The following CPE variants were observed in gnomAD, a reference collection of about 807,000 sequenced individuals.
CPE encodes carboxypeptidase E, also known as carbocypeptidase E.
In CPE, 17 loss-of-function variants were observed where a neutral mutation model predicts 53.5. That is an observed-to-expected ratio of 0.32 (90% CI 0.22 to 0.48). The LOEUF (loss-of-function observed/expected upper bound fraction) is 0.48. Ranked by LOEUF, CPE falls within the 20% of genes least tolerant of loss-of-function variation. The pLI, the probability that CPE is intolerant of heterozygous loss-of-function variation, is 0.99. For synonymous variants in CPE, 226 were observed against 228.8 expected, an observed-to-expected ratio of 0.99 and a Z score of 0.11; for missense variants, 524 against 614.7, an observed-to-expected ratio of 0.85 and a Z score of 1.56.
intron 1 of CPE, among the ~76,000 whole-genome samples, chr4:165,403,333 A>AG (rs1487370466): frequency 6.6e-6 from 1 of 152,174 alleles, no homozygotes; most frequent in Admixed American, 6.5e-5. Flanking sequence ...TAAAAAAAAA[A>AG]TCATATTCTT....
At chr4:165,390,315 T>C (rs901507778) in intron 1 of CPE, among the ~76,000 whole-genome samples, 6 of 152,196 alleles carry the variant, frequency 3.9e-5, no homozygotes, top group African/African-American at 9.6e-5. Flanking sequence ...GCCTTCAGTC[T>C]ACTCAGTGAG....
rs1175196282 is a variant in CPE at position 165,405,238 on chromosome 4, G to A, written c.307+25710G>A. ...CCTTATCCACGGAGACTTGGGCAAT[G>A]CCTGCTCCCATCATCCCTGCACCAG... On this transcript the variant is annotated intron_variant, in intron 1 of 8. Coordinates refer to ENST00000402744, the MANE Select transcript of CPE (RefSeq NM_001873.4). 10 of 830,260 alleles carry A rather than the reference G, an allele frequency of 1.2e-5. No homozygotes were observed. In the East Asian group the frequency reaches 1.9e-4, roughly 16 times the overall value. 51.4% of individuals were successfully genotyped at this position (830,260 alleles called of 1,614,324 possible).
At chr4:165,457,489 G>T (rs532219829) in intron 1 of CPE, among the ~76,000 whole-genome samples, 2 of 152,144 alleles carry the variant, frequency 1.3e-5, no homozygotes, top group South Asian at 4.1e-4. Context: ...AATACCTTCT[G>T]TTCTTTTGCT....
At chr4:165,496,694 C>A (rs906910902) in intron 8 of CPE, among the ~76,000 whole-genome samples, 1 of 152,118 alleles carries the variant, frequency 6.6e-6, no homozygotes, top group African/African-American at 2.4e-5. Flanking sequence ...CTCCCTAGAC[C>A]TGATGAAGAT....
At chr4:165,459,955 G>GTA (rs1394024764) in intron 1 of CPE, among the ~76,000 whole-genome samples, 1 of 146,276 alleles carries the variant, frequency 6.8e-6, no homozygotes, top group East Asian at 2.0e-4. Flanking sequence ...AATTAGTGAA[G>GTA]AAAGTAAGAT....
intron 1 of CPE, among the ~76,000 whole-genome samples, chr4:165,461,861 G>A (rs1360869737): frequency 6.6e-6 from 1 of 152,190 alleles, no homozygotes; most frequent in Non-Finnish European, 1.5e-5. Context: ...GTATTCTAGT[G>A]ATAACATTAT....
At chr4:165,408,868 A>C (rs566245587) in intron 1 of CPE, among the ~76,000 whole-genome samples, 6 of 152,374 alleles carry the variant, frequency 3.9e-5, no homozygotes, top group Admixed American at 1.3e-4. Context: ...AATAATATAA[A>C]GACAATAGTA....
At chr4:165,489,540 G>A (rs17046539) in intron 6 of CPE, among the ~76,000 whole-genome samples, 4,247 of 152,240 alleles carry the variant, frequency 0.028, 193 homozygotes, top group African/African-American at 0.092. Context: ...GTACACAGAA[G>A]GGGACCTAAC....
intron 1 of CPE, among the ~76,000 whole-genome samples, chr4:165,396,277 C>G (rs138457519): frequency 2.0e-5 from 3 of 152,280 alleles, no homozygotes; most frequent in African/African-American, 4.8e-5. Context: ...CCACCATGCT[C>G]TCTCTGTCTC....
intron 1 of CPE, among the ~76,000 whole-genome samples, chr4:165,449,884 G>T (rs963326591): frequency 3.0e-4 from 45 of 151,856 alleles, no homozygotes; most frequent in African/African-American, 1.1e-3. Flanking sequence ...GTTTATTTTG[G>T]TCACAAAGAA....
chr4:165,490,644 A>G (rs2126716186), intron 6 of CPE, among the ~76,000 whole-genome samples: 1 of 151,630 alleles, frequency 6.6e-6, no homozygotes, highest in South Asian at 2.1e-4. Context: ...AAAAAAAAAA[A>G]AAAAAAAAAA....
intron 1 of CPE, among the ~76,000 whole-genome samples, chr4:165,387,233 AAGGGT>A (rs1730607766): frequency 6.6e-6 from 1 of 152,182 alleles, no homozygotes; most frequent in Non-Finnish European, 1.5e-5. Context: ...GTAATCTTTG[AAGGGT>A]AGGGTGGCAC....
chr4:165,404,888 C>G (rs1579245992), intron 1 of CPE: 4 of 762,506 alleles, frequency 5.2e-6, no homozygotes, highest in Non-Finnish European at 9.8e-6. Context: ...CTTCTCAGGT[C>G]TTTTGCTGAC....
chr4:165,400,728 G>T (rs1272712336), intron 1 of CPE, among the ~76,000 whole-genome samples: 1 of 152,096 alleles, frequency 6.6e-6, no homozygotes, highest in Non-Finnish European at 1.5e-5. Flanking sequence ...TGAAGCAGTG[G>T]GAGTAAAGAA....
At chr4:165,493,881 C>T (rs1452716118) in intron 7 of CPE, among the ~76,000 whole-genome samples, 1 of 152,136 alleles carries the variant, frequency 6.6e-6, no homozygotes, top group Non-Finnish European at 1.5e-5. Flanking sequence ...GCAAGTCTAC[C>T]TACTCGCATT....
chr4:165,459,233 T>A (rs921766777), intron 1 of CPE, among the ~76,000 whole-genome samples: 1 of 152,272 alleles, frequency 6.6e-6, no homozygotes, highest in African/African-American at 2.4e-5. Flanking sequence ...TTGCCTGCTC[T>A]GGTTTGGAAT....
At chr4:165,409,147 A>C (rs1240321714) in intron 1 of CPE, among the ~76,000 whole-genome samples, 1 of 152,202 alleles carries the variant, frequency 6.6e-6, no homozygotes, top group Admixed American at 6.5e-5. Context: ...GGAAATGCAG[A>C]GAGAGCACTT....
intron 1 of CPE, among the ~76,000 whole-genome samples, chr4:165,436,308 GA>G (rs1366395878): frequency 6.6e-6 from 1 of 152,048 alleles, no homozygotes; most frequent in East Asian, 1.9e-4. Flanking sequence ...AGTGAGTCAT[GA>G]CTTGCAGTTG....
intron 5 of CPE, 84 bp downstream of exon 5, chr4:165,484,688 G>A (rs1560896001): frequency 9.4e-6 from 12 of 1,278,920 alleles, no homozygotes; most frequent in Non-Finnish European, 1.3e-5. Context: ...TTTAGATTTA[G>A]AGAATCTTCA....
Sources: allele counts gnomAD v4.1 joint callset (sites outside exome capture counted in the v4.1 genomes callset), GRCh38; gene constraint gnomAD v4.1.1; transcripts MANE v1.5; gene names NCBI Gene and HGNC (gene_info 2026-07-23, HGNC 2026-07-21).